PPM1K: variants seen among roughly 807,000 people sequenced by gnomAD.
PPM1K encodes protein phosphatase, Mg2+/Mn2+ dependent 1K.
In PPM1K, 19 loss-of-function variants were observed where a neutral mutation model predicts 32.6. That is an observed-to-expected ratio of 0.58 (90% CI 0.41 to 0.86). The LOEUF is 0.86. PPM1K is among the 40% of genes least tolerant of loss of function. The pLI is 0.00. For synonymous variants in PPM1K, 159 were observed against 165.3 expected, an observed-to-expected ratio of 0.96 and a Z score of 0.29; for missense variants, 362 against 461.2, an observed-to-expected ratio of 0.78 and a Z score of 1.97.
chr4:88,275,740 A>G, intron 3 of PPM1K: 1 of 985,470 alleles, frequency 1.0e-6, no homozygotes, highest in Non-Finnish European at 1.2e-6. Context: ...CTATGAAATA[A>G]GAGCATACCA....
At chr4:88,271,038 CAA>C (rs988237056) in intron 3 of PPM1K, 1 of 516,580 alleles carries the variant, frequency 1.9e-6, no homozygotes, top group African/African-American at 1.9e-5. Context: ...ACTAATGGGA[CAA>C]AGAGATGTGG....
intron 3 of PPM1K, chr4:88,275,224 TG>T (rs1390073769): frequency 1.8e-5 from 11 of 607,032 alleles, no homozygotes; most frequent in Non-Finnish European, 2.1e-5. Context: ...GAACTCTTCA[TG>T]CATTTGTGTG....
intron 6 of PPM1K, among the ~76,000 whole-genome samples, chr4:88,263,357 G>A (rs1398119962): frequency 6.6e-6 from 1 of 152,218 alleles, no homozygotes; most frequent in Non-Finnish European, 1.5e-5. Context: ...GAACATGCTA[G>A]TGTAAATTGG....
At chr4:88,277,007 C>T (rs1461311079) in intron 3 of PPM1K, 136 bp downstream of exon 3, 6 of 721,768 alleles carry the variant, frequency 8.3e-6, no homozygotes, top group African/African-American at 1.8e-5. Context: ...TTCATATAAA[C>T]TCATTTCTAC....
chr4:88,259,842 A>C lies in PPM1K; in HGVS notation c.*2753T>G, dbSNP rs1302897717. The C allele has an allele frequency of 6.6e-6, 1 of 152,248 alleles. No individual in the cohort carries two copies. The highest frequency in any genetic ancestry group is 1.5e-5 in the Non-Finnish European group (1 of 68,126). The allele number at this position is 152,248 out of a possible 1,614,324, so 9.4% of individuals were successfully genotyped here. A position where few individuals can be genotyped will look rare whatever the true frequency, so the allele number is the denominator to read the frequency against. ...TCGAACCTGGCAATCTCAGTGAGCT[A>C]TGATTGCACCACTGCACTTCAGCCT... On this transcript the variant is annotated 3_prime_UTR_variant, in exon 7 of 7. Coordinates refer to ENST00000608933, the MANE Select transcript of PPM1K (RefSeq NM_152542.5).
chr4:88,268,856 C>T lies in PPM1K; in HGVS notation c.592G>A (p.Gly198Ser). ...TTATVALLRD[G>S]IELVVASVGD... The stretch of plus-strand genomic sequence containing the variant: ...ACACTGGCTACAACCAGTTCAATAC[C>T]ATCTCGCAATAGGGCTACTGTTGCA... The change falls in exon 4 of 7, where the codon GGT becomes AGT. Residue 198 changes from glycine to serine, a missense_variant. Coordinates refer to ENST00000608933, the MANE Select transcript of PPM1K (RefSeq NM_152542.5). 2 of 1,613,932 alleles carry T rather than the reference C, an allele frequency of 1.2e-6. No homozygotes were observed. Among genetic ancestry groups the T allele is most frequent in the Non-Finnish European group, 1.7e-6 (2 of 1,179,946 alleles).
At chr4:88,282,548 T>C (rs1476778603) in intron 1 of PPM1K, among the ~76,000 whole-genome samples, 1 of 152,192 alleles carries the variant, frequency 6.6e-6, no homozygotes, top group Non-Finnish European at 1.5e-5. Context: ...TCAAATAGTA[T>C]GGAAATTTCC....
At position 88,268,788 on chromosome 4, in the gene PPM1K, C is replaced by A; in HGVS notation, c.660G>T (p.Met220Ile). The change falls in exon 4 of 7, where the codon ATG becomes ATT. Residue 220 changes from methionine to isoleucine, a missense_variant. Physicochemically the swap from Met to Ile is conservative, Grantham distance 10 (BLOSUM62 1). Transcript: ENST00000608933. The stretch of plus-strand genomic sequence containing the variant: ...CTGGAGTATGGTCAATGGTCAGCTT[C>A]ATGGGTTTTCCTTTTCTACACAAAA... ...RAILCRKGKP[M>I]KLTIDHTPER... The A allele has an allele frequency of 6.2e-7, 1 of 1,614,048 alleles. No individual in the cohort carries two copies. The highest frequency in any genetic ancestry group is 8.5e-7 in the Non-Finnish European group (1 of 1,179,936).
chr4:88,281,668 G>A (rs936799745), intron 1 of PPM1K, among the ~76,000 whole-genome samples: 1 of 151,870 alleles, frequency 6.6e-6, no homozygotes, highest in Non-Finnish European at 1.5e-5. Context: ...GGTCGGCATC[G>A]CTTAGGTAAA....
rs1471845235 is a variant in PPM1K at position 88,278,451 on chromosome 4, G to C, written c.133C>G (p.Pro45Ala). Residue 45 changes from proline to alanine, a missense_variant, in exon 2 of 7, where the codon CCT becomes GCT. Physicochemically the swap from Pro to Ala is conservative, Grantham distance 27. Transcript: ENST00000608933. The surrounding 1 kb of genome is among the most constrained non-coding windows in gnomAD (Gnocchi z 4.2). ...TCTGGGTCAAACCGAGAACACCTAG[G>C]CTCTGAAGTGGAGCTGTGGCACGTG... The part of the protein sequence containing the change: ...TPTCHSSTSE[P>A]RCSRFDPDGS... The C allele has an allele frequency of 1.2e-6, 2 of 1,614,016 alleles. No individual in the cohort carries two copies. Among genetic ancestry groups the C allele is most frequent in the African/African-American group, 2.7e-5 (2 of 74,900 alleles).
At chr4:88,275,744 C>G in intron 3 of PPM1K, 4 of 985,328 alleles carry the variant, frequency 4.1e-6, no homozygotes, top group Non-Finnish European at 4.8e-6. Flanking sequence ...GAAATAAGAG[C>G]ATACCAAAAT....
In PPM1K at chr4:88,265,125, G is replaced by A. The variant is rs1731255638; in HGVS notation, c.863C>T (p.Ala288Val). The change falls in exon 6 of 7, where the codon GCT (alanine) becomes GTT (valine). Residue 288 changes from alanine (A) to valine (V), a missense_variant. Ala to Val is a moderately conservative substitution (Grantham distance 64). Coordinates refer to ENST00000608933, the MANE Select transcript of PPM1K (RefSeq NM_152542.5). ...GGTGAGGACCAGGAAGCTGTCATCA[G>A]CATGATGTAACTGCAATCAGAACCA... ...PETKRIKLHH[A>V]DDSFLVLTTD... 6.2e-7 allele frequency: 1 copy of A among 1,614,158 alleles called. No individual in the cohort carries two copies.
chr4:88,266,757 T>C (rs1203664859), intron 5 of PPM1K, among the ~76,000 whole-genome samples: 17 of 146,412 alleles, frequency 1.2e-4, no homozygotes, highest in Admixed American at 2.7e-4. Context: ...GCTGACTGGA[T>C]GCAAGTGATG....
In PPM1K at chr4:88,268,179, T is replaced by A. The variant is rs573301933; in HGVS notation, c.852+11A>T. The A allele has an allele frequency of 1.9e-6, 3 of 1,613,812 alleles. No homozygotes were observed. The Admixed American group carries it at 5.0e-5, about 27-fold the overall frequency. ...CGCAGGTTTATCAAGTGTTTGCAGGTCCTTTCTTACCTTAATCCTCTTAGT... is the reference window on the plus strand; with the variant it reads ...CGCAGGTTTATCAAGTGTTTGCAGGACCTTTCTTACCTTAATCCTCTTAGT... On this transcript the variant is annotated intron_variant, in intron 5 of 6. Transcript: ENST00000608933.
At chr4:88,277,412 A>G in intron 2 of PPM1K, 169 bp from the exon 3 acceptor site, 2 of 578,832 alleles carry the variant, frequency 3.5e-6, no homozygotes, top group Non-Finnish European at 3.1e-6. Flanking sequence ...ACAAAGTATC[A>G]GGCACTGTGA....
chr4:88,272,930 G>A (rs866193114), intron 3 of PPM1K, among the ~76,000 whole-genome samples: 4 of 152,102 alleles, frequency 2.6e-5, no homozygotes, highest in Non-Finnish European at 4.4e-5. Flanking sequence ...GGTTGGCATC[G>A]TCTCATTTCT....
At chr4:88,269,312 G>A (rs1731465100) in intron 3 of PPM1K, among the ~76,000 whole-genome samples, 1 of 152,186 alleles carries the variant, frequency 6.6e-6, no homozygotes, top group Admixed American at 6.5e-5. Context: ...TTGAGCCCAT[G>A]GAGGCAAGCT....
At chr4:88,268,118 G>A (rs768820818) in intron 5 of PPM1K, 72 bp downstream of exon 5, 109 of 1,501,092 alleles carry the variant, frequency 7.3e-5, no homozygotes, top group Non-Finnish European at 9.6e-5. Flanking sequence ...AGGCTTCCAA[G>A]AAAGGTGCAG....
At chr4:88,275,557 G>A in intron 3 of PPM1K, 2 of 985,268 alleles carry the variant, frequency 2.0e-6, no homozygotes, top group Non-Finnish European at 2.4e-6. Context: ...CATTGAGAAG[G>A]CCAATGTTTT....
Sources: allele counts gnomAD v4.1 joint callset (sites outside exome capture counted in the v4.1 genomes callset), GRCh38; gene constraint gnomAD v4.1.1; non-coding constraint Gnocchi (gnomAD v3.1); transcripts MANE v1.5; gene names NCBI Gene and HGNC (gene_info 2026-07-23, HGNC 2026-07-21).